The following PSPC1 variants were observed in gnomAD, a reference collection of about 807,000 sequenced individuals.
PSPC1 encodes paraspeckle component 1.
PSPC1 carries 14 observed loss-of-function variants against 51.6 expected under a neutral mutation model. The observed-to-expected ratio is 0.27, with a 90% confidence interval of 0.18 to 0.42. PSPC1 has a LOEUF of 0.42. Ranked by LOEUF, PSPC1 falls within the 10% of genes least tolerant of loss-of-function variation. The pLI is 1.00. For missense variants in PSPC1, 406 were observed against 701.1 expected, an observed-to-expected ratio of 0.58 and a Z score of 4.75; for synonymous variants, 193 against 231.9, an observed-to-expected ratio of 0.83 and a Z score of 1.53.
intron 1 of PSPC1, among the ~76,000 whole-genome samples, chr13:19,776,945 G>C (rs1593785678): frequency 6.6e-6 from 1 of 150,472 alleles, no homozygotes; most frequent in Non-Finnish European, 1.5e-5. Flanking sequence ...GGCCAACATG[G>C]TGAAACCCTA....
chr13:19,782,595 C>T lies in PSPC1; in HGVS notation c.163G>A (p.Asp55Asn). The T allele has an allele frequency of 1.3e-6, 2 of 1,589,176 alleles. No homozygotes were observed. The highest frequency in any genetic ancestry group is 2.3e-5 in the South Asian group (2 of 88,640). Residue 55 changes from aspartate (D) to asparagine (N), a missense_variant, in exon 1 of 9, where the codon GAC becomes AAC. Around this residue, in one of 5 missense-constraint regions of PSPC1, gnomAD observed 128 missense variants for 107.1 expected, o/e 1.20. Coordinates refer to ENST00000338910, the MANE Select transcript of PSPC1 (RefSeq NM_001354909.2). The surrounding 1 kb of genome is among the most constrained non-coding windows in gnomAD (Gnocchi z 4.5). ...PAPPAPAPPE[D>N]HPDEEMGFTI... ...AACCCCATCTCCTCGTCCGGGTGGT[C>T]CTCTGGAGGCGCGGGCGCGGGCGGT...
At chr13:19,733,030 G>A (rs1566005086) in intron 5 of PSPC1, among the ~76,000 whole-genome samples, 1 of 152,046 alleles carries the variant, frequency 6.6e-6, no homozygotes, top group Non-Finnish European at 1.5e-5. Context: ...CTTGTTGGGG[G>A]CCCACTTCTA....
At chr13:19,687,583 C>T (rs1052115647) in intron 6 of PSPC1, among the ~76,000 whole-genome samples, 1 of 152,158 alleles carries the variant, frequency 6.6e-6, no homozygotes, top group Non-Finnish European at 1.5e-5. Flanking sequence ...TCCATCTGCC[C>T]TTTCTCCTCT....
Position 19,782,349 on chromosome 13 carries a change from G to A in PSPC1, c.372+37C>T. The A allele has an allele frequency of 6.5e-7, 1 of 1,543,774 alleles. No homozygotes were observed. Among genetic ancestry groups the A allele is most frequent in the Non-Finnish European group, 8.7e-7 (1 of 1,145,842 alleles). ...CCACGACCCCGCGGCCACCCCGACA[G>A]TCCTTTTGTTCCCTCGCGCGGGCGC... On this transcript the variant is annotated intron_variant, in intron 1 of 8. Transcript: ENST00000338910. This position sits in a 1 kb window ranked among gnomAD's most constrained non-coding sequence, Gnocchi z 4.5.
chr13:19,741,229 A>G (rs1452187202), intron 5 of PSPC1, among the ~76,000 whole-genome samples: 4 of 152,226 alleles, frequency 2.6e-5, no homozygotes, highest in African/African-American at 4.8e-5. Context: ...AGATATTCAT[A>G]GTAGAGTTTT....
In PSPC1 at chr13:19,751,281, T is replaced by C. The variant is rs772738729; in HGVS notation, c.957A>G (p.Leu319=). 3.2e-6 allele frequency: 5 copies of C among 1,540,200 alleles called. No homozygotes were observed. The East Asian group carries it at 6.8e-5, about 21-fold the overall frequency. ...EAARHEHQLM[L]MRQDLMRRQE... is the part of the protein sequence containing the mutation. Reference sequence around the variant, plus strand: ...AAAATCCATATTTACCTTGCCTCATTAGCATTAATTGGTGTTCATGCCTAG... The same window carrying C: ...AAAATCCATATTTACCTTGCCTCATCAGCATTAATTGGTGTTCATGCCTAG... Residue 319 remains leucine (L), a synonymous_variant, in exon 4 of 9, where the codon CTA becomes CTG. Transcript: ENST00000338910.
At chr13:19,761,661 G>C (rs1024761257) in intron 2 of PSPC1, among the ~76,000 whole-genome samples, 1 of 152,170 alleles carries the variant, frequency 6.6e-6, no homozygotes. Context: ...GGTGGAATGA[G>C]ATTATAGAAA....
Position 19,759,328 on chromosome 13 carries a change from A to G in PSPC1, c.765T>C (p.Tyr255=), listed in dbSNP as rs368438701. Residue 255 remains tyrosine, a synonymous_variant, in exon 3 of 9, where the codon TAT becomes TAC. Transcript: ENST00000338910. Reference sequence around the variant, plus strand: ...ATCTATTAATAAAATCTTACTTATGATATTGTTGAGTTTTCTGCATCAGCT... The same window carrying G: ...ATCTATTAATAAAATCTTACTTATGGTATTGTTGAGTTTTCTGCATCAGCT... ...PEKLMQKTQQ[Y]HKEREQPPRF... The G allele has an allele frequency of 6.2e-7, 1 of 1,611,070 alleles. No individual in the cohort carries two copies. The highest frequency in any genetic ancestry group is 8.5e-7 in the Non-Finnish European group (1 of 1,177,246).
intron 2 of PSPC1, 137 bp downstream of exon 2, chr13:19,772,105 T>C (rs1387268071): frequency 3.1e-6 from 3 of 953,974 alleles, no homozygotes; most frequent in Non-Finnish European, 4.6e-6. Flanking sequence ...GAAAATTTCT[T>C]ATTTATATTC....
chr13:19,746,462 C>T (rs1034189260), intron 4 of PSPC1, among the ~76,000 whole-genome samples: 35 of 151,942 alleles, frequency 2.3e-4, no homozygotes, highest in African/African-American at 8.0e-4. Flanking sequence ...CAGTGGCTCA[C>T]GCCTGTAATC....
intron 1 of PSPC1, among the ~76,000 whole-genome samples, chr13:19,776,636 T>G (rs1593784657): frequency 6.6e-6 from 1 of 151,540 alleles, no homozygotes; most frequent in South Asian, 2.1e-4. Context: ...GCCTCCCGGG[T>G]AGCTGGGACT....
intron 6 of PSPC1, among the ~76,000 whole-genome samples, chr13:19,715,882 A>T (rs1470388430): frequency 1.3e-5 from 2 of 151,906 alleles, no homozygotes; most frequent in African/African-American, 2.4e-5. Context: ...GGCATGGTGG[A>T]GGGCACCTGT....
intron 6 of PSPC1, among the ~76,000 whole-genome samples, chr13:19,693,703 G>A (rs183801641): frequency 3.3e-5 from 5 of 152,182 alleles, no homozygotes; most frequent in African/African-American, 7.2e-5. Flanking sequence ...TGAAAGGGGT[G>A]TAAAACTTGA....
chr13:19,679,323 C>T (rs986064608), intron 6 of PSPC1, among the ~76,000 whole-genome samples: 3 of 150,112 alleles, frequency 2.0e-5, no homozygotes, highest in African/African-American at 7.5e-5. Flanking sequence ...GGCAAAGTCC[C>T]GTCTCTACAA....
At chr13:19,772,645 T>G in intron 1 of PSPC1, 102 bp from the exon 2 acceptor site, 1 of 1,059,916 alleles carries the variant, frequency 9.4e-7, no homozygotes, top group Non-Finnish European at 1.3e-6. Context: ...AGCAAATGGC[T>G]GACAGGGTCA....
intron 2 of PSPC1, among the ~76,000 whole-genome samples, chr13:19,768,142 T>G (rs1287437870): frequency 6.6e-6 from 1 of 151,606 alleles, no homozygotes; most frequent in Non-Finnish European, 1.5e-5. Context: ...GGAGAATCAT[T>G]TGAGCCCAGG....
intron 6 of PSPC1, among the ~76,000 whole-genome samples, chr13:19,686,824 T>G (rs1440820153): frequency 1.3e-5 from 2 of 152,148 alleles, no homozygotes; most frequent in East Asian, 3.9e-4. Context: ...ACTTTTAAGT[T>G]TGAGGAATAA....
chr13:19,780,692 C>G (rs1889863153), intron 1 of PSPC1, among the ~76,000 whole-genome samples: 1 of 141,764 alleles, frequency 7.1e-6, no homozygotes, highest in African/African-American at 2.6e-5. Flanking sequence ...GCAGGGTCCT[C>G]TGCCTAGGAA....
At chr13:19,710,888 A>G (rs1046959548) in intron 6 of PSPC1, among the ~76,000 whole-genome samples, 4 of 151,754 alleles carry the variant, frequency 2.6e-5, no homozygotes, top group Admixed American at 1.3e-4. Flanking sequence ...CCCTGGCTGC[A>G]GTGCAGTGGC....
Sources: gnomAD v4.1 joint callset for allele counts (sites outside exome capture counted in the v4.1 genomes callset) on GRCh38, gnomAD v4.1.1 for gene constraint, gnomAD v4.1.1 regional missense constraint, Gnocchi (gnomAD v3.1) non-coding constraint, MANE v1.5 for transcripts, NCBI Gene and HGNC (gene_info 2026-07-23, HGNC 2026-07-21) for gene names.